Variants in STK32B observed in about 807,000 individuals in gnomAD.
STK32B encodes serine/threonine-protein kinase 32B.
In STK32B, 43 loss-of-function variants were observed where a neutral mutation model predicts 52.6. The observed-to-expected ratio is 0.82, with a 90% CI of 0.64 to 1.05. The LOEUF is 1.05. Ranked by LOEUF, STK32B falls within the 50% of genes least tolerant of loss-of-function variation. STK32B has a pLI of 0.00. For synonymous variants in STK32B, 238 were observed against 204.3 expected (o/e 1.17, Z -1.41); for missense variants, 621 against 534.6 (o/e 1.16, Z -1.59).
Position 5,499,272 on chromosome 4 carries a change from C to T in STK32B, c.*189C>T. The T allele has an allele frequency of 1.5e-6, 1 of 673,124 alleles. No individual in the cohort carries two copies. The highest frequency in any genetic ancestry group is 2.2e-6 in the Non-Finnish European group (1 of 454,402). The allele number at this position is 673,124 out of a possible 1,614,324, so 41.7% of individuals were successfully genotyped here. ...TGACTGATTCACGTGTGACCTCAGA[C>T]AAGTCACGCCCTCTCTGTGCCTCCG... is the stretch of plus-strand genomic sequence containing the variant. On this transcript the variant is annotated 3_prime_UTR_variant, in exon 12 of 12. Transcript: ENST00000282908.
intron 3 of STK32B, among the ~76,000 whole-genome samples, chr4:5,269,077 C>G (rs943564067): frequency 6.6e-6 from 1 of 152,002 alleles, no homozygotes; most frequent in African/African-American, 2.4e-5. Context: ...CTGGAAAGAC[C>G]AAGGCAGCTA....
intron 1 of STK32B, among the ~76,000 whole-genome samples, chr4:5,130,743 G>A (rs1715719069): frequency 6.6e-6 from 1 of 152,106 alleles, no homozygotes; most frequent in Admixed American, 6.5e-5. Flanking sequence ...TCCTGCCTGA[G>A]GAAATGTCTA....
At chr4:5,229,819 A>T (rs1046981713) in intron 3 of STK32B, among the ~76,000 whole-genome samples, 2 of 152,158 alleles carry the variant, frequency 1.3e-5, no homozygotes, top group Non-Finnish European at 2.9e-5. Context: ...CTAAGTGAGT[A>T]TAAGGAAAAT....
At chr4:5,202,083 G>A (rs1300191621) in intron 3 of STK32B, among the ~76,000 whole-genome samples, 1 of 152,162 alleles carries the variant, frequency 6.6e-6, no homozygotes, top group African/African-American at 2.4e-5. Context: ...CTGTCTATGA[G>A]CCTGTAAAAT....
At position 5,331,240 on chromosome 4, in the gene STK32B, AG is replaced by A. The variant is rs751702394; in HGVS notation, c.283del (p.Asp95ThrfsTer29). On this transcript the variant is annotated frameshift_variant, in exon 4 of 12. Transcript: ENST00000282908. LOFTEE classifies it high-confidence loss of function. ...CCTAGGTACTCCTTCCAGGATGAGG[AG>A]GACATGTTCATGGTGGTGGACCTGC... is the stretch of plus-strand genomic sequence containing the variant. Reference protein sequence around the residue: ...VNLWYSFQDEEDMFMVVDLLL... With the variant: ...VNLWYSFQDEXDMFMVVDLLL... 5.6e-6 allele frequency: 9 copies of A among 1,613,026 alleles called. No individual in the cohort carries two copies. The highest frequency in any genetic ancestry group is 2.7e-5 in the African/African-American group (2 of 74,868).
chr4:5,306,283 T>C (rs28505705), intron 3 of STK32B, among the ~76,000 whole-genome samples: 1 of 152,132 alleles, frequency 6.6e-6, no homozygotes, highest in Non-Finnish European at 1.5e-5. Flanking sequence ...TGATGACCTT[T>C]CTAGTGCTGT....
intron 1 of STK32B, among the ~76,000 whole-genome samples, chr4:5,128,465 C>T (rs1715546496): frequency 1.3e-5 from 2 of 152,198 alleles, no homozygotes; most frequent in African/African-American, 4.8e-5. Flanking sequence ...GTAATATTTT[C>T]CTGTATGAAT....
intron 2 of STK32B, among the ~76,000 whole-genome samples, chr4:5,153,283 C>G (rs949223764): frequency 1.3e-5 from 2 of 152,134 alleles, no homozygotes; most frequent in Non-Finnish European, 1.5e-5. Context: ...GGGTCAGAGC[C>G]TGCTTCTTCC....
intron 3 of STK32B, among the ~76,000 whole-genome samples, chr4:5,253,722 C>G (rs894053874): frequency 6.6e-6 from 1 of 152,036 alleles, no homozygotes; most frequent in Non-Finnish European, 1.5e-5. Flanking sequence ...AGATCTGTAG[C>G]ACAATGTACA....
intron 3 of STK32B, among the ~76,000 whole-genome samples, chr4:5,316,098 T>A (rs1346223176): frequency 7.4e-6 from 1 of 134,752 alleles, no homozygotes; most frequent in Non-Finnish European, 1.5e-5. Context: ...TCTGTTATGC[T>A]ACTTTCTGTA....
chr4:5,249,851 A>T (rs1005743343), intron 3 of STK32B, among the ~76,000 whole-genome samples: 2 of 152,116 alleles, frequency 1.3e-5, no homozygotes, highest in Non-Finnish European at 2.9e-5. Context: ...TGTACAGATT[A>T]TTTCATCACC....
intron 4 of STK32B, among the ~76,000 whole-genome samples, chr4:5,379,170 G>C (rs1735768357): frequency 6.6e-6 from 1 of 152,174 alleles, no homozygotes. Context: ...GTATTCCTTA[G>C]GAGACTGTCG....
the STK32B span, among the ~76,000 whole-genome samples, chr4:5,036,082 A>G: frequency 6.7e-5 from 10 of 148,916 alleles, no homozygotes; most frequent in Admixed American, 3.4e-4. Context: ...GTGCCTGGCT[A>G]AAAAAAAAAC....
chr4:5,045,279 T>C, the STK32B span, among the ~76,000 whole-genome samples: 1 of 152,248 alleles, frequency 6.6e-6, no homozygotes. Context: ...TGTGGCCCCC[T>C]GCAGTTCCCA....
intron 3 of STK32B, among the ~76,000 whole-genome samples, chr4:5,268,538 GGT>G (rs10593272): frequency 0.42 from 58,382 of 139,568 alleles, 12,658 homozygotes; most frequent in Admixed American, 0.54. Flanking sequence ...TGCTTGGTGT[GGT>G]GTGTGTGTGT....
intron 5 of STK32B, among the ~76,000 whole-genome samples, chr4:5,410,832 G>C (rs1012466744): frequency 6.6e-6 from 1 of 152,190 alleles, no homozygotes; most frequent in Admixed American, 6.5e-5. Flanking sequence ...ATAAATAATA[G>C]AAGTTTATTT....
Position 5,197,332 on chromosome 4 carries a change from C to T in STK32B, c.260+28882C>T, listed in dbSNP as rs545318683. Among the ~76,000 whole-genome samples, 31 of 152,296 alleles carry T rather than the reference C, an allele frequency of 2.0e-4. 1 individual carries two copies. In the South Asian group the frequency reaches 5.4e-3, roughly 26 times the overall value. On this transcript the variant is annotated intron_variant, in intron 3 of 11. Transcript: ENST00000282908. ...TTGTCATCCTCTTGGAATCACTTTGCTGCAGAGCATGACTTGGTTGACTGA... is the reference window on the plus strand; with the variant it reads ...TTGTCATCCTCTTGGAATCACTTTGTTGCAGAGCATGACTTGGTTGACTGA...
Position 5,276,991 on chromosome 4 carries a change from A to G in STK32B, c.261-54229A>G, listed in dbSNP as rs116562242. Among the ~76,000 whole-genome samples the G allele has an allele frequency of 7.6e-3, 1,159 of 152,352 alleles. 14 individuals carry two copies. The highest frequency in any genetic ancestry group is 0.025 in the African/African-American group (1,040 of 41,596). ...TCATTTGGACTGGTTCCCACTGAAG[A>G]TGAACGCCAGATTTTGGAATGGGCA... is the stretch of plus-strand genomic sequence containing the variant. On this transcript the variant is annotated intron_variant, in intron 3 of 11. Transcript: ENST00000282908.
chr4:5,484,767 C>G (rs901193003), intron 11 of STK32B, among the ~76,000 whole-genome samples: 27 of 152,100 alleles, frequency 1.8e-4, no homozygotes, highest in African/African-American at 5.3e-4. Context: ...TTCAGGAGCT[C>G]TTTTAGGGCA....
Sources: gnomAD v4.1 joint callset for allele counts (sites outside exome capture counted in the v4.1 genomes callset) on GRCh38, gnomAD v4.1.1 for gene constraint, MANE v1.5 for transcripts, NCBI Gene and HGNC (gene_info 2026-07-23, HGNC 2026-07-21) for gene names.